EML5: variants seen among roughly 807,000 people sequenced by gnomAD.
EML5 encodes echinoderm microtubule-associated protein-like 5.
In EML5, 120 loss-of-function variants were observed where a neutral mutation model predicts 250.0. The observed-to-expected ratio is 0.48, with a 90% CI of 0.41 to 0.56. EML5 has a LOEUF of 0.56. Ranked by LOEUF, EML5 falls within the 20% of genes least tolerant of loss-of-function variation. EML5 has a pLI of 0.00. For synonymous variants in EML5, 771 were observed against 806.5 expected (o/e 0.96, Z 0.75); for missense variants, 2,006 against 2,437.6 (o/e 0.82, Z 3.73).
intron 2 of EML5, among the ~76,000 whole-genome samples, chr14:88,751,527 T>A (rs965819881): frequency 1.5e-4 from 23 of 151,812 alleles, no homozygotes; most frequent in African/African-American, 5.6e-4. Context: ...GTTTGTTGGT[T>A]TTTTTTTGAT....
intron 28 of EML5, among the ~76,000 whole-genome samples, chr14:88,647,959 A>G (rs1407899531): frequency 6.6e-6 from 1 of 152,206 alleles, no homozygotes; most frequent in Non-Finnish European, 1.5e-5. Flanking sequence ...AATTGTCTAA[A>G]GAGCCTAAGT....
At position 88,616,747 on chromosome 14, in the gene EML5, G is replaced by A; in HGVS notation, c.5775C>T (p.Asp1925=). ...TTACAAATTTTTCTGGACATGGGAAGTCAAATAACTTAACCATGCCAAAGT... is the reference window on the plus strand; with the variant it reads ...TTACAAATTTTTCTGGACATGGGAAATCAAATAACTTAACCATGCCAAAGT... ...GDDFGMVKLF[D]FPCPEKFAKH... Residue 1925 remains aspartate (D), a synonymous_variant, in exon 42 of 44, where the codon GAC becomes GAT. Coordinates refer to ENST00000554922, the MANE Select transcript of EML5 (RefSeq NM_183387.3). 1 of 1,613,516 alleles carries A rather than the reference G, an allele frequency of 6.2e-7. No homozygotes were observed. Among genetic ancestry groups the A allele is most frequent in the African/African-American group, 1.3e-5 (1 of 75,030 alleles).
At position 88,627,186 on chromosome 14, in the gene EML5, A is replaced by G. The variant is rs1257092740; in HGVS notation, c.4532-140T>C. ...ATGGCCCCTGCTCTACTACCTAGCAATACATGATTTACAATTATTTGTGTA... is the reference window on the plus strand; with the variant it reads ...ATGGCCCCTGCTCTACTACCTAGCAGTACATGATTTACAATTATTTGTGTA... On this transcript the variant is annotated intron_variant, in intron 34 of 43. Coordinates refer to ENST00000554922, the MANE Select transcript of EML5 (RefSeq NM_183387.3). 5.5e-6 allele frequency: 4 copies of G among 725,294 alleles called. No individual in the cohort carries two copies. The Admixed American group carries it at 7.9e-5, about 14-fold the overall frequency. 44.9% of individuals were successfully genotyped at this position (725,294 alleles called of 1,614,324 possible).
intron 6 of EML5, among the ~76,000 whole-genome samples, chr14:88,737,460 G>A (rs189236909): frequency 6.6e-6 from 1 of 152,320 alleles, no homozygotes; most frequent in Non-Finnish European, 1.5e-5. Flanking sequence ...AGCCTGCCAG[G>A]CCAAGTGGGC....
At chr14:88,751,815 C>G (rs951800448) in intron 2 of EML5, among the ~76,000 whole-genome samples, 2 of 152,112 alleles carry the variant, frequency 1.3e-5, no homozygotes, top group African/African-American at 4.8e-5. Flanking sequence ...GATAAAGAAG[C>G]CTCTATCCAT....
At chr14:88,760,920 T>G (rs556689249) in intron 1 of EML5, among the ~76,000 whole-genome samples, 1 of 152,180 alleles carries the variant, frequency 6.6e-6, no homozygotes, top group African/African-American at 2.4e-5. Flanking sequence ...TTGTAGACAG[T>G]ATTGCTGTAA....
chr14:88,788,695 T>C (rs1234633191), intron 1 of EML5, among the ~76,000 whole-genome samples: 1 of 152,132 alleles, frequency 6.6e-6, no homozygotes, highest in Non-Finnish European at 1.5e-5. Context: ...AAACTCTCAA[T>C]AATATCCTTA....
chr14:88,713,805 G>C lies in EML5; in HGVS notation c.1444+1134C>G, dbSNP rs2093445003. Among the ~76,000 whole-genome samples the C allele has an allele frequency of 2.7e-5, 4 of 147,398 alleles. No individual in the cohort carries two copies. In the South Asian group the frequency reaches 8.7e-4, roughly 32 times the overall value. On this transcript the variant is annotated intron_variant, in intron 9 of 43. Coordinates refer to ENST00000554922, the MANE Select transcript of EML5 (RefSeq NM_183387.3). ...GTTGCAATTCTGTTTTTCAAAGTTA[G>C]TTAGTTATATTATTAATATTTGCAA...
chr14:88,720,224 T>C (rs1316336032), intron 8 of EML5, among the ~76,000 whole-genome samples: 1 of 152,168 alleles, frequency 6.6e-6, no homozygotes, highest in African/African-American at 2.4e-5. Flanking sequence ...GAGGAGCAGA[T>C]ACCCTTTCTT....
In EML5 at chr14:88,662,993, T is replaced by C. The variant is rs776286096; in HGVS notation, c.3498+38A>G. ...GTATCAGTTTTCTAGCCACTTTTAT[T>C]CACATGAACAACACTGCAAGCACCA... On this transcript the variant is annotated intron_variant, in intron 24 of 43. Coordinates refer to ENST00000554922, the MANE Select transcript of EML5 (RefSeq NM_183387.3). 12 of 1,462,140 alleles carry C rather than the reference T, an allele frequency of 8.2e-6. 1 individual carries two copies. In the South Asian group the frequency reaches 1.3e-4, roughly 16 times the overall value. 90.6% of individuals were successfully genotyped at this position (1,462,140 alleles called of 1,614,324 possible).
chr14:88,723,108 C>G (rs947439516), intron 8 of EML5, among the ~76,000 whole-genome samples: 1 of 152,060 alleles, frequency 6.6e-6, no homozygotes, highest in Non-Finnish European at 1.5e-5. Flanking sequence ...ATATACTATT[C>G]ATTCTTAAAA....
In EML5 at chr14:88,736,438, T is replaced by G. The variant is rs1300438835; in HGVS notation, c.975A>C (p.Glu325Asp). The G allele has an allele frequency of 7.4e-6, 12 of 1,613,948 alleles. No individual in the cohort carries two copies. In the East Asian group the frequency reaches 2.7e-4, roughly 36 times the overall value. Reference sequence around the variant, plus strand: ...GGACAGCAAGTGCCCAAAGTTCACCTTCACAATGCCCTTGCATAATTAGAA... The same window carrying G: ...GGACAGCAAGTGCCCAAAGTTCACCGTCACAATGCCCTTGCATAATTAGAA... ...KPFLIMQGHC[E>D]GELWALAVHP... Residue 325 changes from glutamate (E) to aspartate (D), a missense_variant, in exon 7 of 44, where the codon GAA becomes GAC. Physicochemically the swap from Glu to Asp is conservative, Grantham distance 45. This residue lies in a region of EML5 where 1,375 missense variants were observed against 1,590.3 expected (regional missense o/e 0.86). Coordinates refer to ENST00000554922, the MANE Select transcript of EML5 (RefSeq NM_183387.3).
chr14:88,771,098 T>A (rs1358371671), intron 1 of EML5, among the ~76,000 whole-genome samples: 1 of 152,208 alleles, frequency 6.6e-6, no homozygotes, highest in Non-Finnish European at 1.5e-5. Context: ...CATTCTTACA[T>A]GCAAATATAT....
Position 88,616,160 on chromosome 14 carries a change from G to A in EML5, c.5879C>T (p.Ala1960Val). ...FTSGDRHVVSAGGDDCSLFVW... is the reference protein window; with the variant it reads ...FTSGDRHVVSVGGDDCSLFVW... ...TACTAACCTGCAGTCATCACCTCCAGCACTAACAACATGTCGATCACCACT... is the reference window on the plus strand; with the variant it reads ...TACTAACCTGCAGTCATCACCTCCAACACTAACAACATGTCGATCACCACT... The change falls in exon 43 of 44, where the codon GCT (alanine) becomes GTT (valine). Residue 1960 changes from alanine (A) to valine (V), a missense_variant. Coordinates refer to ENST00000554922, the MANE Select transcript of EML5 (RefSeq NM_183387.3). 6.2e-7 allele frequency: 1 copy of A among 1,613,846 alleles called. No individual in the cohort carries two copies. Among genetic ancestry groups the A allele is most frequent in the Non-Finnish European group, 8.5e-7 (1 of 1,179,802 alleles).
At chr14:88,754,227 G>A (rs1365894622) in intron 2 of EML5, among the ~76,000 whole-genome samples, 1 of 152,054 alleles carries the variant, frequency 6.6e-6, no homozygotes. Context: ...TACCCTATCT[G>A]GAAAAGAGTT....
At chr14:88,650,208 T>C (rs1324482845) in intron 27 of EML5, among the ~76,000 whole-genome samples, 1 of 152,188 alleles carries the variant, frequency 6.6e-6, no homozygotes, top group Non-Finnish European at 1.5e-5. Context: ...ATCCCAGCAC[T>C]TCGGGAGGCT....
intron 14 of EML5, among the ~76,000 whole-genome samples, chr14:88,699,691 A>G (rs1482757916): frequency 6.6e-6 from 1 of 152,178 alleles, no homozygotes; most frequent in Non-Finnish European, 1.5e-5. Context: ...TGAAAAGAAT[A>G]TTGAAGATAA....
chr14:88,616,294 A>G (rs1226946330), intron 42 of EML5, 52 bp from the exon 43 acceptor site: 1 of 1,538,540 alleles, frequency 6.5e-7, no homozygotes, highest in African/African-American at 1.4e-5. Flanking sequence ...ACAGAAGTCA[A>G]AGGCTCTTAT....
chr14:88,646,536 T>C (rs1200468687), intron 29 of EML5, among the ~76,000 whole-genome samples: 2 of 152,196 alleles, frequency 1.3e-5, no homozygotes, highest in East Asian at 3.8e-4. Flanking sequence ...TATTCTATGT[T>C]ACTGTCTGAC....
Sources: allele counts gnomAD v4.1 joint callset (sites outside exome capture counted in the v4.1 genomes callset), GRCh38; gene constraint gnomAD v4.1.1; regional missense constraint gnomAD v4.1.1; transcripts MANE v1.5; gene names NCBI Gene and HGNC (gene_info 2026-07-23, HGNC 2026-07-21).